Variants in ZFHX3 observed in about 807,000 individuals in gnomAD.
The protein encoded by ZFHX3 is zinc finger homeobox 3, also known as zinc finger homeobox protein 3.
A neutral mutation model predicts 279.1 loss-of-function variants in ZFHX3; 42 were observed. The ratio of observed to expected loss-of-function variants is 0.15; its 90% CI spans 0.12 to 0.19. ZFHX3 has a LOEUF of 0.19. Among genes scored for constraint, ZFHX3 ranks in the 10% least tolerant of loss-of-function variants. The pLI, the probability that ZFHX3 is intolerant of heterozygous loss-of-function variation, is 1.00. For missense variants in ZFHX3, 4,981 were observed against 4,754.0 expected, an observed-to-expected ratio of 1.05 and a Z score of -1.40; for synonymous variants, 2,293 against 1,957.8, an observed-to-expected ratio of 1.17 and a Z score of -4.52.
intron 4 of ZFHX3, among the ~76,000 whole-genome samples, chr16:72,843,620 G>T (rs1230008599): frequency 2.0e-5 from 3 of 151,520 alleles, no homozygotes; most frequent in Non-Finnish European, 2.9e-5. Flanking sequence ...AGTGCTCGGG[G>T]TGACGCTTAC....
At chr16:73,303,963 G>GGAAAAAAAAAAAAA (rs781722281) in intron 4 of ZFHX3, among the ~76,000 whole-genome samples, 2 of 76,122 alleles carry the variant, frequency 2.6e-5, no homozygotes, top group Non-Finnish European at 5.3e-5. Flanking sequence ...ACCCTAGGTG[G>GGAAAAAAAAAAAAA]AAAAAAAAAA....
chr16:73,347,091 T>C (rs1173339151), intron 3 of ZFHX3, among the ~76,000 whole-genome samples: 1 of 152,224 alleles, frequency 6.6e-6, no homozygotes, highest in African/African-American at 2.4e-5. Flanking sequence ...GTCTCTGTGA[T>C]GCCAGAGCCA....
At chr16:73,192,319 A>G (rs983503687) in intron 5 of ZFHX3, among the ~76,000 whole-genome samples, 3 of 152,178 alleles carry the variant, frequency 2.0e-5, no homozygotes, top group Non-Finnish European at 2.9e-5. Context: ...ACTGTTTGAA[A>G]TGAGGCATTG....
intron 4 of ZFHX3, among the ~76,000 whole-genome samples, chr16:72,866,184 G>T (rs764939132): frequency 3.1e-4 from 47 of 152,204 alleles, no homozygotes; most frequent in Non-Finnish European, 5.4e-4. Flanking sequence ...TTCTCCTTTG[G>T]CAGATACACA....
At chr16:73,255,304 C>T (rs1215272867) in intron 5 of ZFHX3, among the ~76,000 whole-genome samples, 1 of 152,160 alleles carries the variant, frequency 6.6e-6, no homozygotes, top group Non-Finnish European at 1.5e-5. Context: ...ACATTAAATC[C>T]AAGTTATGCT....
chr16:72,792,031 A>C (rs1016201116), intron 9 of ZFHX3, among the ~76,000 whole-genome samples: 1 of 152,152 alleles, frequency 6.6e-6, no homozygotes, highest in Non-Finnish European at 1.5e-5. Flanking sequence ...GAACTAATCA[A>C]TTCAGGCCAT....
At chr16:73,356,780 C>A (rs887418027) in intron 3 of ZFHX3, among the ~76,000 whole-genome samples, 1 of 151,494 alleles carries the variant, frequency 6.6e-6, no homozygotes, top group Non-Finnish European at 1.5e-5. Flanking sequence ...GTCCTTTCAA[C>A]ATTCATCCTA....
chr16:73,291,631 C>T (rs966938326), intron 4 of ZFHX3, among the ~76,000 whole-genome samples: 1 of 152,188 alleles, frequency 6.6e-6, no homozygotes, highest in African/African-American at 2.4e-5. Context: ...CTGTAATGGA[C>T]AGCCACCAGA....
chr16:72,844,964 C>T (rs962899032), intron 4 of ZFHX3, among the ~76,000 whole-genome samples: 1 of 151,872 alleles, frequency 6.6e-6, no homozygotes, highest in Admixed American at 6.6e-5. Context: ...AGAGCTAAGC[C>T]GAGAGCACAG....
intron 4 of ZFHX3, among the ~76,000 whole-genome samples, chr16:73,265,080 T>TATATGC (rs2013937660): frequency 1.2e-5 from 1 of 81,770 alleles, no homozygotes; most frequent in East Asian, 3.0e-4. Flanking sequence ...CATATATGCG[T>TATATGC]GTGTGTGTGT....
chr16:73,552,702 T>C (rs1045598333), intron 2 of ZFHX3, among the ~76,000 whole-genome samples: 1 of 150,474 alleles, frequency 6.6e-6, no homozygotes, highest in African/African-American at 2.5e-5. Context: ...TGAGTGTAAA[T>C]GAGGGAAGAA....
chr16:73,588,358 G>A (rs567712259), intron 2 of ZFHX3, among the ~76,000 whole-genome samples: 1 of 152,232 alleles, frequency 6.6e-6, no homozygotes, highest in African/African-American at 2.4e-5. Context: ...CAAAAAGCTT[G>A]GAGTTTTAGA....
chr16:72,910,570 T>G (rs568628057), intron 3 of ZFHX3, among the ~76,000 whole-genome samples: 2 of 152,180 alleles, frequency 1.3e-5, no homozygotes, highest in Non-Finnish European at 2.9e-5. Flanking sequence ...CATAAGCACC[T>G]TGAGACATTA....
intron 1 of ZFHX3, among the ~76,000 whole-genome samples, chr16:73,752,223 C>T (rs773385490): frequency 3.0e-4 from 46 of 152,044 alleles, no homozygotes; most frequent in Admixed American, 1.1e-3. Flanking sequence ...ATTCCATGTG[C>T]GTCTCTGTGG....
intron 4 of ZFHX3, among the ~76,000 whole-genome samples, chr16:73,310,514 G>T (rs1162793707): frequency 6.6e-6 from 1 of 152,112 alleles, no homozygotes; most frequent in East Asian, 1.9e-4. Context: ...TACCCCCAGG[G>T]AAATTTAGTA....
At chr16:73,616,228 C>CA (rs1191407389) in intron 2 of ZFHX3, among the ~76,000 whole-genome samples, 7 of 151,230 alleles carry the variant, frequency 4.6e-5, no homozygotes, top group Non-Finnish European at 1.0e-4. Context: ...CTTTATATGG[C>CA]ATATTTACCT....
intron 1 of ZFHX3, among the ~76,000 whole-genome samples, chr16:73,778,236 TAAAAAAAAAAAAAA>T (rs10654824): frequency 3.4e-5 from 2 of 58,706 alleles, no homozygotes; most frequent in Non-Finnish European, 5.7e-5. Context: ...GAAGGAGTGT[TAAAAAAAAAAAAAA>T]AAAAAAAAAA....
At chr16:72,869,489 G>A (rs7197918) in intron 4 of ZFHX3, among the ~76,000 whole-genome samples, 9,448 of 152,118 alleles carry the variant, frequency 0.062, 1,022 homozygotes, top group African/African-American at 0.22. Context: ...GGTAACACAT[G>A]ATCTTCCTTC....
intron 2 of ZFHX3, among the ~76,000 whole-genome samples, chr16:73,572,282 TAA>T (rs552560235): frequency 8.4e-4 from 128 of 152,336 alleles, no homozygotes; most frequent in African/African-American, 2.4e-3. Context: ...GCTGTTTTTT[TAA>T]GAGTGTGCTA....
Sources: allele counts gnomAD v4.1 joint callset (sites outside exome capture counted in the v4.1 genomes callset), GRCh38; gene constraint gnomAD v4.1.1; transcripts MANE v1.5; gene names NCBI Gene and HGNC (gene_info 2026-07-23, HGNC 2026-07-21).